MAGI1: variants seen among roughly 807,000 people sequenced by gnomAD.
MAGI1 encodes membrane-associated guanylate kinase, WW and PDZ domain-containing protein 1.
Under a neutral mutation model 139.9 loss-of-function variants are expected in MAGI1, and 58 were observed. The observed-to-expected ratio is 0.41, with a 90% confidence interval of 0.34 to 0.52. The LOEUF is 0.52. Among genes scored for constraint, MAGI1 ranks in the 20% least tolerant of loss-of-function variants. The probability of loss-of-function intolerance (pLI) is 0.12; values close to 1 mark genes in which losing one functional copy is unlikely to be tolerated. For missense variants in MAGI1, 1,874 were observed against 1,901.6 expected, an observed-to-expected ratio of 0.99 and a Z score of 0.27; for synonymous variants, 812 against 737.9, an observed-to-expected ratio of 1.10 and a Z score of -1.63.
At chr3:65,677,682 G>C (rs368331864) in intron 1 of MAGI1, among the ~76,000 whole-genome samples, 2 of 152,276 alleles carry the variant, frequency 1.3e-5, no homozygotes, top group East Asian at 1.9e-4. Context: ...TGGGAGTTTG[G>C]TGGGAACCTC....
intron 1 of MAGI1, among the ~76,000 whole-genome samples, chr3:65,986,614 T>C (rs1302652162): frequency 6.6e-6 from 1 of 152,190 alleles, no homozygotes. Flanking sequence ...TCCAAAAGCT[T>C]GGTTCTGGCT....
intron 1 of MAGI1, among the ~76,000 whole-genome samples, chr3:65,849,829 C>T (rs2059144752): frequency 6.6e-6 from 1 of 152,092 alleles, no homozygotes; most frequent in Non-Finnish European, 1.5e-5. Context: ...TTCCTTTTTC[C>T]AGGTTCCACT....
intron 2 of MAGI1, among the ~76,000 whole-genome samples, chr3:65,608,954 TC>T (rs1430677531): frequency 6.6e-6 from 1 of 152,156 alleles, no homozygotes; most frequent in East Asian, 1.9e-4. Context: ...TGGATGAATC[TC>T]AGAGAGTAAT....
chr3:65,746,100 A>G (rs1559843051), intron 1 of MAGI1, among the ~76,000 whole-genome samples: 1 of 152,118 alleles, frequency 6.6e-6, no homozygotes, highest in South Asian at 2.1e-4. Flanking sequence ...CAGTGGCACA[A>G]TCTCAGCTCA....
intron 2 of MAGI1, among the ~76,000 whole-genome samples, chr3:65,505,966 TCATCAATTTAA>T (rs2077269546): frequency 6.6e-6 from 1 of 152,162 alleles, no homozygotes; most frequent in Admixed American, 6.5e-5. Context: ...AATTTACTCT[TCATCAATTTAA>T]CAGCTGCTTT....
At chr3:65,567,143 CATA>C (rs1358136260) in intron 2 of MAGI1, among the ~76,000 whole-genome samples, 2 of 152,170 alleles carry the variant, frequency 1.3e-5, no homozygotes, top group Non-Finnish European at 2.9e-5. Context: ...CCAGGACACT[CATA>C]ATGTTAAGAC....
At chr3:65,955,504 G>A (rs1224326352) in intron 1 of MAGI1, among the ~76,000 whole-genome samples, 1 of 152,136 alleles carries the variant, frequency 6.6e-6, no homozygotes, top group African/African-American at 2.4e-5. Flanking sequence ...AAGGCTCGGA[G>A]GGAACCCACC....
chr3:65,679,257 G>C (rs1317473837), intron 1 of MAGI1, among the ~76,000 whole-genome samples: 2 of 152,154 alleles, frequency 1.3e-5, no homozygotes, highest in African/African-American at 4.8e-5. Flanking sequence ...AGTGAGACAG[G>C]TCTTAAAATC....
At chr3:65,641,426 ATTT>A (rs1161195945) in intron 1 of MAGI1, among the ~76,000 whole-genome samples, 2 of 151,996 alleles carry the variant, frequency 1.3e-5, no homozygotes, top group Admixed American at 1.3e-4. Flanking sequence ...AGGCATCGGT[ATTT>A]TTTTTCTAAT....
At chr3:65,553,149 T>A (rs917697645) in intron 2 of MAGI1, among the ~76,000 whole-genome samples, 8 of 152,072 alleles carry the variant, frequency 5.3e-5, no homozygotes, top group Non-Finnish European at 1.0e-4. Context: ...GTTGTTGGTT[T>A]TTTTTTTTGA....
At chr3:65,761,616 C>A (rs546240061) in intron 1 of MAGI1, among the ~76,000 whole-genome samples, 1 of 152,278 alleles carries the variant, frequency 6.6e-6, no homozygotes, top group South Asian at 2.1e-4. Context: ...AAGCCAGCCA[C>A]AAACCAAATG....
chr3:65,425,348 C>G (rs1033813086), intron 12 of MAGI1, among the ~76,000 whole-genome samples: 8 of 152,162 alleles, frequency 5.3e-5, no homozygotes, highest in Middle Eastern at 3.4e-3. Context: ...TCAGAGAAGG[C>G]AAGTGACTTG....
At chr3:65,728,825 T>A (rs960363439) in intron 1 of MAGI1, among the ~76,000 whole-genome samples, 13 of 152,156 alleles carry the variant, frequency 8.5e-5, no homozygotes, top group Non-Finnish European at 1.8e-4. Context: ...GCATAAGCAC[T>A]ATTCCTCTAG....
chr3:65,498,684 A>C (rs1350388002), intron 2 of MAGI1, among the ~76,000 whole-genome samples: 2 of 152,340 alleles, frequency 1.3e-5, no homozygotes, highest in African/African-American at 2.4e-5. Flanking sequence ...GAACACAGGC[A>C]ATGTGACAGC....
At chr3:65,502,385 T>C (rs1488374623) in intron 2 of MAGI1, among the ~76,000 whole-genome samples, 3 of 115,118 alleles carry the variant, frequency 2.6e-5, no homozygotes, top group Non-Finnish European at 5.3e-5. Flanking sequence ...ATTTGAGACT[T>C]TCTGCTTAGC....
intron 2 of MAGI1, among the ~76,000 whole-genome samples, chr3:65,558,352 T>C (rs986967858): frequency 2.6e-5 from 4 of 152,112 alleles, no homozygotes; most frequent in East Asian, 1.9e-4. Context: ...ATACAGCCAG[T>C]AGTATCACGA....
chr3:65,462,109 G>T (rs1244392806), intron 5 of MAGI1, among the ~76,000 whole-genome samples: 1 of 152,100 alleles, frequency 6.6e-6, no homozygotes, highest in African/African-American at 2.4e-5. Flanking sequence ...CTGTGCAGAA[G>T]CTCTTTAGCT....
At chr3:65,889,511 C>T (rs1334898817) in intron 1 of MAGI1, among the ~76,000 whole-genome samples, 1 of 152,108 alleles carries the variant, frequency 6.6e-6, no homozygotes, top group East Asian at 1.9e-4. Context: ...CCACTGGTGA[C>T]GTTCAAAAAA....
intron 1 of MAGI1, among the ~76,000 whole-genome samples, chr3:65,802,564 A>G (rs2040581276): frequency 6.6e-6 from 1 of 152,242 alleles, no homozygotes; most frequent in South Asian, 2.1e-4. Flanking sequence ...CCTGGGGTTC[A>G]GAAAGCAGTG....
Sources: gnomAD v4.1 joint callset for allele counts (sites outside exome capture counted in the v4.1 genomes callset) on GRCh38, gnomAD v4.1.1 for gene constraint, MANE v1.5 for transcripts, NCBI Gene and HGNC (gene_info 2026-07-23, HGNC 2026-07-21) for gene names.